The following DNAH9 variants were observed in gnomAD, a reference collection of about 807,000 sequenced individuals.
The protein encoded by DNAH9 is dynein axonemal heavy chain 9.
A neutral mutation model predicts 471.6 loss-of-function variants in DNAH9; 345 were observed. The observed-to-expected ratio is 0.73, with a 90% CI of 0.67 to 0.80. The LOEUF is 0.80. DNAH9 is among the 30% of genes least tolerant of loss of function. DNAH9 has a pLI of 0.00. For synonymous variants in DNAH9, 2,093 were observed against 2,123.6 expected (o/e 0.99, Z 0.40); for missense variants, 5,407 against 5,609.2 (o/e 0.96, Z 1.15).
At chr17:11,746,829 TA>T (rs1413250798) in intron 31 of DNAH9, among the ~76,000 whole-genome samples, 1 of 152,230 alleles carries the variant, frequency 6.6e-6, no homozygotes, top group Non-Finnish European at 1.5e-5. Context: ...TCATCCATGA[TA>T]TTCTCAGACT....
intron 26 of DNAH9, among the ~76,000 whole-genome samples, chr17:11,712,338 G>A (rs2074883351): frequency 6.6e-6 from 1 of 151,220 alleles, no homozygotes; most frequent in African/African-American, 2.4e-5. Flanking sequence ...TCAACCGATG[G>A]ACACTTAGAT....
chr17:11,652,012 A>G (rs1056754571), intron 13 of DNAH9, among the ~76,000 whole-genome samples: 2 of 151,406 alleles, frequency 1.3e-5, no homozygotes, highest in Non-Finnish European at 2.9e-5. Context: ...AAAAAAGATT[A>G]TAGTTGATTC....
chr17:11,955,059 C>T (rs1975569584), intron 67 of DNAH9, among the ~76,000 whole-genome samples: 1 of 152,082 alleles, frequency 6.6e-6, no homozygotes, highest in African/African-American at 2.4e-5. Flanking sequence ...ATGATTCTTA[C>T]AGCATATGTG....
intron 4 of DNAH9, 98 bp downstream of exon 4, chr17:11,611,878 C>A (rs1178019940): frequency 1.6e-6 from 2 of 1,274,738 alleles, no homozygotes. Context: ...ACTTCAAGTC[C>A]TTGTAAATTT....
chr17:11,701,073 A>G (rs200086392), intron 23 of DNAH9, 49 bp from the exon 24 acceptor site: 1 of 1,609,792 alleles, frequency 6.2e-7, no homozygotes, highest in Non-Finnish European at 8.5e-7. Flanking sequence ...ATGTAGGACT[A>G]ACCAAAACTT....
chr17:11,911,690 T>A (rs1973797501), intron 61 of DNAH9, among the ~76,000 whole-genome samples: 1 of 152,238 alleles, frequency 6.6e-6, no homozygotes, highest in East Asian at 1.9e-4. Flanking sequence ...ATTACCATCT[T>A]AACAATATAA....
intron 48 of DNAH9, among the ~76,000 whole-genome samples, chr17:11,823,928 T>G (rs1970401517): frequency 7.8e-6 from 1 of 128,302 alleles, no homozygotes; most frequent in African/African-American, 4.1e-5. Flanking sequence ...AGACTCCATC[T>G]CAAAAAAAAA....
At chr17:11,877,471 T>C (rs1353970740) in intron 53 of DNAH9, among the ~76,000 whole-genome samples, 1 of 48,742 alleles carries the variant, frequency 2.1e-5, no homozygotes, top group Non-Finnish European at 3.8e-5. Flanking sequence ...GAAAACTCTG[T>C]CTAAAAAAAA....
In DNAH9 at chr17:11,699,875, A is replaced by G. The variant is rs1414827438; in HGVS notation, c.5017A>G (p.Ser1673Gly). Residue 1673 changes from serine (S) to glycine (G), a missense_variant, in exon 23 of 69, where the codon AGC (serine) becomes GGC (glycine). Physicochemically the swap from Ser to Gly is moderately conservative, Grantham distance 56. Transcript: ENST00000262442. ...YVAFSEPCDC[S>G]GQVEIWLNHV... Reference sequence around the variant, plus strand: ...GGCTTTCAGTGAGCCCTGTGACTGCAGCGGGCAGGTAACACAGTAGCCCTT... The same window carrying G: ...GGCTTTCAGTGAGCCCTGTGACTGCGGCGGGCAGGTAACACAGTAGCCCTT... The G allele has an allele frequency of 3.7e-6, 6 of 1,614,056 alleles. No homozygotes were observed. In the East Asian group the frequency reaches 1.1e-4, roughly 30 times the overall value.
intron 57 of DNAH9, among the ~76,000 whole-genome samples, chr17:11,890,399 T>C (rs528775654): frequency 6.6e-6 from 1 of 152,336 alleles, no homozygotes; most frequent in Admixed American, 6.5e-5. Flanking sequence ...GAAGAAAGAC[T>C]GCAAAGCCTT....
chr17:11,698,083 G>A (rs147662990), intron 22 of DNAH9, among the ~76,000 whole-genome samples: 19,385 of 138,430 alleles, frequency 0.14, 1,525 homozygotes, highest in Middle Eastern at 0.18. Flanking sequence ...TTACTTTATA[G>A]CATATATAGT....
In DNAH9 at chr17:11,730,850, C is replaced by T. The variant is rs574318149; in HGVS notation, c.5814+2928C>T. 7.5e-5 allele frequency among the ~76,000 whole-genome samples: 11 copies of T among 147,394 alleles called. No individual in the cohort carries two copies. The East Asian group carries it at 1.4e-3, about 19-fold the overall frequency. ...ATGGTGATGCTGATGATGATGATGG[C>T]GGTGGTAGTGGTGGTGATGATTCTA... On this transcript the variant is annotated intron_variant, in intron 28 of 68. Coordinates refer to ENST00000262442, the MANE Select transcript of DNAH9 (RefSeq NM_001372.4).
intron 19 of DNAH9, among the ~76,000 whole-genome samples, chr17:11,686,994 G>C (rs144930381): frequency 6.6e-6 from 1 of 152,176 alleles, no homozygotes; most frequent in Non-Finnish European, 1.5e-5. Context: ...CTTTGGAAAT[G>C]AAGAATAAAC....
Position 11,871,594 on chromosome 17 carries a change from G to C in DNAH9, c.10054-4G>C. ...CCTCTCCTCTCTGGCTTTTGAAATGGTAGGTTGGAGGACTCGCTTCTGAAA... is the reference window on the plus strand; with the variant it reads ...CCTCTCCTCTCTGGCTTTTGAAATGCTAGGTTGGAGGACTCGCTTCTGAAA... On this transcript the variant is annotated splice_region_variant and splice_polypyrimidine_tract_variant and intron_variant, in intron 51 of 68. Transcript: ENST00000262442. 6.2e-7 allele frequency: 1 copy of C among 1,612,682 alleles called. No homozygotes were observed. Among genetic ancestry groups the C allele is most frequent in the Non-Finnish European group, 8.5e-7 (1 of 1,178,726 alleles).
At chr17:11,922,319 T>C (rs62061974) in intron 61 of DNAH9, among the ~76,000 whole-genome samples, 28,224 of 152,190 alleles carry the variant, frequency 0.19, 2,690 homozygotes, top group East Asian at 0.28. Context: ...TATGGATTTT[T>C]ATTATTTCTT....
chr17:11,681,022 C>T, intron 19 of DNAH9, 133 bp downstream of exon 19: 1 of 868,536 alleles, frequency 1.2e-6, no homozygotes, highest in East Asian at 2.7e-5. Context: ...CCATTTAGGA[C>T]CTTTGGTTGA....
chr17:11,834,514 C>A, intron 48 of DNAH9, 124 bp from the exon 49 acceptor site: 2 of 1,127,564 alleles, frequency 1.8e-6, no homozygotes, highest in Non-Finnish European at 2.5e-6. Flanking sequence ...GTATCAGGAG[C>A]TGTCATCTAT....
chr17:11,669,345 G>T (rs768792115), intron 16 of DNAH9, 25 bp from the exon 17 acceptor site: 1 of 1,601,794 alleles, frequency 6.2e-7, no homozygotes, highest in South Asian at 1.1e-5. Flanking sequence ...GGTGTAACCT[G>T]CCTGCCGTTG....
At chr17:11,918,033 T>C (rs1374328132) in intron 61 of DNAH9, among the ~76,000 whole-genome samples, 1 of 152,218 alleles carries the variant, frequency 6.6e-6, no homozygotes, top group South Asian at 2.1e-4. Flanking sequence ...TGTCTTCTAC[T>C]GTCTCCTTTT....
Sources: allele counts gnomAD v4.1 joint callset (sites outside exome capture counted in the v4.1 genomes callset), GRCh38; gene constraint gnomAD v4.1.1; transcripts MANE v1.5; gene names NCBI Gene and HGNC (gene_info 2026-07-23, HGNC 2026-07-21).